Variants in C8orf34 observed in about 807,000 individuals in gnomAD.
The protein encoded by C8orf34 is uncharacterized protein C8orf34.
A neutral mutation model predicts 68.3 loss-of-function variants in C8orf34; 65 were observed. The observed-to-expected ratio is 0.95, with a 90% CI of 0.78 to 1.17. C8orf34 has a LOEUF of 1.17. C8orf34 is among the 50% of genes most tolerant of loss of function. The pLI, the probability that C8orf34 is intolerant of heterozygous loss-of-function variation, is 0.00. For missense variants in C8orf34, 664 were observed against 655.4 expected (o/e 1.01, Z -0.14); for synonymous variants, 244 against 241.2 (o/e 1.01, Z -0.11).
rs185815298 is a variant in C8orf34, at chr8:68,349,002, T to G, written c.327+17663T>G. Among the ~76,000 whole-genome samples, 5 of 152,204 alleles carry G rather than the reference T, an allele frequency of 3.3e-5. No individual in the cohort carries two copies. The East Asian group carries it at 9.6e-4, about 29-fold the overall frequency. ...GCCCTGGCCAGGGCTTCCAATACTA[T>G]GTTGAATAGAAGTGGTGAGAGAGGA... On this transcript the variant is annotated intron_variant, in intron 1 of 13. Transcript: ENST00000518698.
intron 8 of C8orf34, among the ~76,000 whole-genome samples, chr8:68,654,890 T>C (rs569217737): frequency 6.6e-6 from 1 of 152,150 alleles, no homozygotes; most frequent in Non-Finnish European, 1.5e-5. Context: ...AAGAATATTT[T>C]GAAACTAGTA....
At chr8:68,377,577 T>A (rs2129620043) in intron 1 of C8orf34, among the ~76,000 whole-genome samples, 1 of 152,298 alleles carries the variant, frequency 6.6e-6, no homozygotes, top group African/African-American at 2.4e-5. Flanking sequence ...ATATCAAATG[T>A]TTTGAGCATC....
At chr8:68,403,619 G>A (rs1459257475) in intron 1 of C8orf34, among the ~76,000 whole-genome samples, 1 of 151,980 alleles carries the variant, frequency 6.6e-6, no homozygotes, top group East Asian at 1.9e-4. Context: ...CCACTTATGA[G>A]TGAGAACATG....
chr8:68,458,026 T>C (rs1407164800), intron 3 of C8orf34, among the ~76,000 whole-genome samples: 1 of 152,084 alleles, frequency 6.6e-6, no homozygotes, highest in Admixed American at 6.6e-5. Flanking sequence ...AAAACAGCTT[T>C]TGAAATCACC....
At chr8:68,763,223 T>A (rs1823071489) in intron 10 of C8orf34, among the ~76,000 whole-genome samples, 1 of 152,228 alleles carries the variant, frequency 6.6e-6, no homozygotes, top group Non-Finnish European at 1.5e-5. Flanking sequence ...GTATAATCTT[T>A]CGTTAGTGGA....
intron 10 of C8orf34, among the ~76,000 whole-genome samples, chr8:68,754,487 G>A (rs1822795812): frequency 6.6e-6 from 1 of 152,182 alleles, no homozygotes; most frequent in African/African-American, 2.4e-5. Context: ...AGCAGGTGAA[G>A]GTTGGAAGCT....
At chr8:68,389,686 C>T (rs912615392) in intron 1 of C8orf34, among the ~76,000 whole-genome samples, 2 of 152,084 alleles carry the variant, frequency 1.3e-5, no homozygotes, top group African/African-American at 4.8e-5. Context: ...TTGGACACTT[C>T]TTCAGCCAAG....
In C8orf34 at chr8:68,518,903, A is replaced by AG. The variant is rs1554571129; in HGVS notation, c.766-2894dup. ...GCAAGACTCAAAAAAAAAAAAAAAA[A>AG]GGCAAGTATGCAAAAAAAAGTGGTA... On this transcript the variant is annotated intron_variant, in intron 5 of 13. Coordinates refer to ENST00000518698, the MANE Select transcript of C8orf34 (RefSeq NM_052958.4). Among the ~76,000 whole-genome samples, 8 of 150,306 alleles carry AG rather than the reference A, an allele frequency of 5.3e-5. No homozygotes were observed. In the South Asian group the frequency reaches 1.7e-3, roughly 32 times the overall value.
intron 8 of C8orf34, among the ~76,000 whole-genome samples, chr8:68,679,161 C>T (rs1424971938): frequency 6.6e-6 from 1 of 152,030 alleles, no homozygotes; most frequent in African/African-American, 2.4e-5. Context: ...GTGGCACGCA[C>T]CTATAGTCCC....
intron 8 of C8orf34, among the ~76,000 whole-genome samples, chr8:68,670,065 C>A (rs577747819): frequency 2.0e-5 from 3 of 152,206 alleles, no homozygotes; most frequent in South Asian, 2.1e-4. Context: ...CCTCCCTGGT[C>A]AGCAGCTCTG....
intron 3 of C8orf34, among the ~76,000 whole-genome samples, chr8:68,452,279 T>G (rs1811376510): frequency 6.6e-6 from 1 of 151,140 alleles, no homozygotes; most frequent in African/African-American, 2.4e-5. Context: ...TGTACTTGAT[T>G]TGCTGGGTTA....
intron 10 of C8orf34, among the ~76,000 whole-genome samples, chr8:68,757,768 A>G (rs559897241): frequency 9.8e-5 from 15 of 152,348 alleles, no homozygotes; most frequent in Admixed American, 3.3e-4. Context: ...CATAACGTAC[A>G]ATGGATAGAA....
chr8:68,603,359 C>A (rs890213639), intron 7 of C8orf34, among the ~76,000 whole-genome samples: 1 of 151,944 alleles, frequency 6.6e-6, no homozygotes, highest in African/African-American at 2.4e-5. Context: ...CAGGTATATG[C>A]CCAAAAGAAA....
chr8:68,777,794 G>T (rs1563664211), intron 11 of C8orf34, among the ~76,000 whole-genome samples: 1 of 152,120 alleles, frequency 6.6e-6, no homozygotes, highest in African/African-American at 2.4e-5. Context: ...TAGGTAAAGA[G>T]AAAACCTTTA....
At chr8:68,418,934 G>T (rs1235696701) in intron 1 of C8orf34, among the ~76,000 whole-genome samples, 1 of 150,012 alleles carries the variant, frequency 6.7e-6, no homozygotes, top group Non-Finnish European at 1.5e-5. Flanking sequence ...AGGACTTCAT[G>T]TCTAAAACAC....
intron 8 of C8orf34, among the ~76,000 whole-genome samples, chr8:68,680,411 A>C (rs1162358278): frequency 6.6e-6 from 1 of 152,152 alleles, no homozygotes; most frequent in Non-Finnish European, 1.5e-5. Context: ...AAATAAAGAG[A>C]AAGAGTGCAA....
intron 8 of C8orf34, among the ~76,000 whole-genome samples, chr8:68,676,294 A>G (rs1820187861): frequency 6.6e-6 from 1 of 152,106 alleles, no homozygotes; most frequent in African/African-American, 2.4e-5. Flanking sequence ...TGATCTTGCC[A>G]CTGCATTTCA....
At chr8:68,333,978 C>G (rs550315396) in intron 1 of C8orf34, among the ~76,000 whole-genome samples, 1 of 152,254 alleles carries the variant, frequency 6.6e-6, no homozygotes, top group Non-Finnish European at 1.5e-5. Context: ...GTATGAGATA[C>G]TTTAAAGATA....
At chr8:68,614,140 G>GT (rs1202576256) in intron 7 of C8orf34, among the ~76,000 whole-genome samples, 1 of 151,964 alleles carries the variant, frequency 6.6e-6, no homozygotes, top group East Asian at 1.9e-4. Flanking sequence ...GGGATTGTTT[G>GT]TTTTTTTCTT....
Sources: allele counts gnomAD v4.1 joint callset (sites outside exome capture counted in the v4.1 genomes callset), GRCh38; gene constraint gnomAD v4.1.1; transcripts MANE v1.5; gene names NCBI Gene and HGNC (gene_info 2026-07-23, HGNC 2026-07-21).